WDFY4: variants seen among roughly 807,000 people sequenced by gnomAD.
The protein encoded by WDFY4 is WD repeat- and FYVE domain-containing protein 4.
In WDFY4, 169 loss-of-function variants were observed where a neutral mutation model predicts 351.9. The observed-to-expected ratio is 0.48, with a 90% confidence interval of 0.42 to 0.55. The LOEUF (loss-of-function observed/expected upper bound fraction) is 0.55, where lower values mean the gene tolerates loss of function less well. Among genes scored for constraint, WDFY4 ranks in the 20% least tolerant of loss-of-function variants. The probability of loss-of-function intolerance (pLI) is 0.00; values close to 1 mark genes in which losing one functional copy is unlikely to be tolerated. For missense variants in WDFY4, 3,803 were observed against 3,935.6 expected (o/e 0.97, Z 0.90); for synonymous variants, 1,622 against 1,574.6 (o/e 1.03, Z -0.71).
rs114307955 is a variant in WDFY4, at chr10:48,744,146, A to T, written c.2459+598A>T. 3.9e-3 allele frequency among the ~76,000 whole-genome samples: 590 copies of T among 152,352 alleles called. 7 individuals carry two copies. The highest frequency in any genetic ancestry group is 0.014 in the Middle Eastern group (4 of 294). On this transcript the variant is annotated intron_variant, in intron 12 of 61. Transcript: ENST00000325239. Reference sequence around the variant, plus strand: ...TGTCTGTAACAAAGAATTCCACTAAAGCAAGAGAGCACAAAGAACCATCCC... The same window carrying T: ...TGTCTGTAACAAAGAATTCCACTAATGCAAGAGAGCACAAAGAACCATCCC...
chr10:48,758,833 T>C (rs2065411728), intron 12 of WDFY4, among the ~76,000 whole-genome samples: 1 of 152,242 alleles, frequency 6.6e-6, no homozygotes, highest in African/African-American at 2.4e-5. Context: ...ATTGGGTTAA[T>C]AACTGCTTTA....
chr10:48,786,499 G>T (rs577740283), intron 19 of WDFY4, 140 bp from the exon 20 acceptor site: 1 of 641,246 alleles, frequency 1.6e-6, no homozygotes, highest in African/African-American at 2.0e-5. Flanking sequence ...TGAGATTTGA[G>T]AATTATATTT....
chr10:48,947,024 G>T (rs1232717975), intron 51 of WDFY4, 55 bp downstream of exon 51: 3 of 1,099,568 alleles, frequency 2.7e-6, no homozygotes, highest in South Asian at 2.9e-5. Flanking sequence ...ACACACATAC[G>T]CCTGTATCAC....
intron 51 of WDFY4, among the ~76,000 whole-genome samples, chr10:48,953,628 A>G (rs978649344): frequency 6.6e-6 from 1 of 152,206 alleles, no homozygotes; most frequent in African/African-American, 2.4e-5. Flanking sequence ...AATTACTGGA[A>G]AGAATATCTG....
chr10:48,743,072 C>G lies in WDFY4; in HGVS notation c.1983C>G (p.Leu661=), dbSNP rs760113841. The G allele has an allele frequency of 1.1e-5, 17 of 1,551,696 alleles. No homozygotes were observed. In the South Asian group the frequency reaches 2.0e-4, roughly 18 times the overall value. Residue 661 remains leucine (L), a synonymous_variant, in exon 12 of 62, where the codon CTC becomes CTG. Coordinates refer to ENST00000325239, the MANE Select transcript of WDFY4 (RefSeq NM_001394531.1). ...TGCTCTCTGACCTGGAAGGCTCCCT[C>G]CAGGAGCCCCCGCTGCAGGCATGGG... ...LSLLSDLEGS[L]QEPPLQAWGA...
intron 24 of WDFY4, among the ~76,000 whole-genome samples, chr10:48,800,026 T>A (rs1191461315): frequency 1.3e-5 from 2 of 151,982 alleles, no homozygotes; most frequent in Admixed American, 6.5e-5. Context: ...GCTGGGACTA[T>A]AGGCATGTGC....
In WDFY4 at chr10:48,890,657, T is replaced by C; in HGVS notation, c.7246T>C (p.Phe2416Leu). Residue 2416 changes from phenylalanine (F) to leucine (L), a missense_variant, in exon 44 of 62, where the codon TTC (phenylalanine) becomes CTC (leucine). Coordinates refer to ENST00000325239, the MANE Select transcript of WDFY4 (RefSeq NM_001394531.1). The part of the protein sequence containing the change: ...EGVLLFGHQH[F>L]YICENFTLSP... ...GGTCCTGCTTTTTGGCCACCAACAC[T>C]TCTACATCTGCGAGAACTTCACACT... 6.4e-7 allele frequency: 1 copy of C among 1,551,700 alleles called. No individual in the cohort carries two copies. Among genetic ancestry groups the C allele is most frequent in the Non-Finnish European group, 8.7e-7 (1 of 1,146,982 alleles).
intron 5 of WDFY4, among the ~76,000 whole-genome samples, 159 bp downstream of exon 5, chr10:48,723,726 T>C (rs948177235): frequency 6.6e-6 from 1 of 151,992 alleles, no homozygotes; most frequent in Non-Finnish European, 1.5e-5. Flanking sequence ...TCCCCACCAC[T>C]GCACAGTCTG....
intron 5 of WDFY4, among the ~76,000 whole-genome samples, chr10:48,725,592 C>G (rs1270781606): frequency 6.6e-6 from 1 of 152,180 alleles, no homozygotes; most frequent in Non-Finnish European, 1.5e-5. Flanking sequence ...TTCTGGTATT[C>G]CCATTAAAAA....
intron 2 of WDFY4, among the ~76,000 whole-genome samples, chr10:48,713,999 C>G (rs2132231785): frequency 1.3e-5 from 2 of 152,328 alleles, no homozygotes; most frequent in Non-Finnish European, 2.9e-5. Context: ...AGGTAATATC[C>G]TACAGGTTCT....
chr10:48,852,383 T>C lies in WDFY4; in HGVS notation c.6664-14882T>C, dbSNP rs7086309. Among the ~76,000 whole-genome samples the C allele has an allele frequency of 3.4e-3, 512 of 152,350 alleles. 3 individuals are homozygous for C. Among genetic ancestry groups the C allele is most frequent in the African/African-American group, 0.011 (478 of 41,580 alleles). ...CATATAAATTTGTCAGGAGGATAAA[T>C]TTTAAATGTGCACATGCATAACTTC... On this transcript the variant is annotated intron_variant, in intron 39 of 61. Coordinates refer to ENST00000325239, the MANE Select transcript of WDFY4 (RefSeq NM_001394531.1).
intron 39 of WDFY4, among the ~76,000 whole-genome samples, chr10:48,850,582 C>T (rs908497242): frequency 6.6e-6 from 1 of 152,114 alleles, no homozygotes; most frequent in Admixed American, 6.5e-5. Flanking sequence ...GTGTGTATTA[C>T]TCAGAAAGTA....
intron 20 of WDFY4, among the ~76,000 whole-genome samples, chr10:48,787,711 G>T (rs148551081): frequency 6.6e-6 from 1 of 151,706 alleles, no homozygotes; most frequent in Admixed American, 6.6e-5. Context: ...TGGTAGTTTC[G>T]CACCTGGAGT....
chr10:48,786,744 T>C lies in WDFY4; in HGVS notation c.3682T>C (p.Ser1228Pro). The change falls in exon 20 of 62, where the codon TCT becomes CCT. Residue 1228 changes from serine (S) to proline (P), a missense_variant. Transcript: ENST00000325239. ...IATPRVWKQK[S>P]SLIWRLGPTY... ...TACTCCTCGAGTCTGGAAACAAAAG[T>C]CTTCATTAATCTGGCGTCTTGGCCC... The C allele has an allele frequency of 6.4e-7, 1 of 1,552,340 alleles. No homozygotes were observed. The highest frequency in any genetic ancestry group is 8.7e-7 in the Non-Finnish European group (1 of 1,147,118).
chr10:48,733,912 T>C lies in WDFY4; in HGVS notation c.1583-19T>C, dbSNP rs1261704364. On this transcript the variant is annotated intron_variant, in intron 9 of 61. Transcript: ENST00000325239. ...ACATGTACTTAATTTATTTTGTTAT[T>C]TCTTCTTCAATATGGCAGGAAACAA... 2 of 1,550,522 alleles carry C rather than the reference T, an allele frequency of 1.3e-6. No individual in the cohort carries two copies. The highest frequency in any genetic ancestry group is 2.4e-5 in the South Asian group (2 of 84,008).
intron 43 of WDFY4, among the ~76,000 whole-genome samples, chr10:48,887,694 G>T (rs2070520803): frequency 6.6e-6 from 1 of 151,904 alleles, no homozygotes; most frequent in Non-Finnish European, 1.5e-5. Context: ...CAGGAGAATG[G>T]CATGAACCCA....
Position 48,877,030 on chromosome 10 carries a change from C to A in WDFY4, c.7001-3C>A, listed in dbSNP as rs2070043887. On this transcript the variant is annotated splice_region_variant and splice_polypyrimidine_tract_variant and intron_variant, in intron 42 of 61. Coordinates refer to ENST00000325239, the MANE Select transcript of WDFY4 (RefSeq NM_001394531.1). ...CACCACGTGTCCCTTTATGCTGCTG[C>A]AGATGAACTGACACTGAGGGAGGCT... The A allele has an allele frequency of 2.7e-6, 4 of 1,477,708 alleles. No homozygotes were observed. The highest frequency in any genetic ancestry group is 3.6e-6 in the Non-Finnish European group (4 of 1,111,872). The allele number at this position is 1,477,708 out of a possible 1,614,324, so 91.5% of individuals were successfully genotyped here. A position where few individuals can be genotyped will look rare whatever the true frequency, so the allele number is the denominator to read the frequency against.
At chr10:48,883,976 T>C (rs1189944597) in intron 43 of WDFY4, 1 of 152,224 alleles carries the variant, frequency 6.6e-6, no homozygotes, top group African/African-American at 2.4e-5. Context: ...GAGTGACTGA[T>C]TTAATGCATA....
At chr10:48,975,300 G>T in intron 58 of WDFY4, 1 of 590,386 alleles carries the variant, frequency 1.7e-6, no homozygotes, top group Non-Finnish European at 3.0e-6. Context: ...GGGGGCTGCA[G>T]CTGAAAAATT....
Sources: gnomAD v4.1 joint callset for allele counts (sites outside exome capture counted in the v4.1 genomes callset) on GRCh38, gnomAD v4.1.1 for gene constraint, MANE v1.5 for transcripts, NCBI Gene and HGNC (gene_info 2026-07-23, HGNC 2026-07-21) for gene names.